HIF1AN: variants seen among roughly 807,000 people sequenced by gnomAD.
The protein encoded by HIF1AN is hypoxia-inducible factor 1-alpha inhibitor.
A neutral mutation model predicts 47.7 loss-of-function variants in HIF1AN; 21 were observed. The ratio of observed to expected loss-of-function variants is 0.44; its 90% CI spans 0.31 to 0.63. The LOEUF (loss-of-function observed/expected upper bound fraction) is 0.63. HIF1AN is among the 30% of genes least tolerant of loss of function. HIF1AN has a pLI of 0.07. For missense variants in HIF1AN, 320 were observed against 432.7 expected, an observed-to-expected ratio of 0.74 and a Z score of 2.31; for synonymous variants, 152 against 155.9, an observed-to-expected ratio of 0.98 and a Z score of 0.18.
Position 100,536,023 on chromosome 10 carries a change from C to T in HIF1AN, c.65C>T (p.Ala22Val), listed in dbSNP as rs750911950. The T allele has an allele frequency of 3.0e-5, 48 of 1,591,688 alleles. No individual in the cohort carries two copies. Among genetic ancestry groups the T allele is most frequent in the Non-Finnish European group, 4.1e-5 (48 of 1,170,224 alleles). Reference protein sequence around the residue: ...GSGEPREEAGALGPAWDESQL... With the variant: ...GSGEPREEAGVLGPAWDESQL... ...GGAGAGCCCCGGGAGGAGGCTGGAG[C>T]CCTCGGCCCCGCCTGGGATGAATCC... The change falls in exon 1 of 8, where the codon GCC becomes GTC. Residue 22 changes from alanine to valine, a missense_variant. Physicochemically the swap from Ala to Val is moderately conservative, Grantham distance 64. This residue lies in a region of HIF1AN where 159 missense variants were observed against 159.9 expected (regional missense o/e 0.99). Transcript: ENST00000299163.
chr10:100,535,980 G>T lies in HIF1AN; in HGVS notation c.22G>T (p.Ala8Ser), dbSNP rs745770096. ...GGAGATGGCGGCGACAGCGGCGGAG[G>T]CTGTGGCCTCTGGCTCTGGAGAGCC... MAATAAE[A>S]VASGSGEPRE... is the part of the protein sequence containing the mutation. The change falls in exon 1 of 8, where the codon GCT becomes TCT. Residue 8 changes from alanine (A) to serine (S), a missense_variant. This residue lies in a region of HIF1AN where 159 missense variants were observed against 159.9 expected (regional missense o/e 0.99). Coordinates refer to ENST00000299163, the MANE Select transcript of HIF1AN (RefSeq NM_017902.3). 1.9e-6 allele frequency: 3 copies of T among 1,554,928 alleles called. No homozygotes were observed. Among genetic ancestry groups the T allele is most frequent in the Non-Finnish European group, 2.6e-6 (3 of 1,150,724 alleles).
chr10:100,543,414 C>T (rs986866745), intron 3 of HIF1AN, among the ~76,000 whole-genome samples: 1 of 152,066 alleles, frequency 6.6e-6, no homozygotes, highest in African/African-American at 2.4e-5. Flanking sequence ...GGACTGGTCT[C>T]GAACTCCTGG....
rs1843182120 is a variant in HIF1AN at position 100,553,208 on chromosome 10, G to T, written c.*5071G>T. ...GGAGATACCAATATCCCCTTTGCAGGGTGGTGATGGGCATCAAACATGACG... is the reference window on the plus strand; with the variant it reads ...GGAGATACCAATATCCCCTTTGCAGTGTGGTGATGGGCATCAAACATGACG... On this transcript the variant is annotated 3_prime_UTR_variant, in exon 8 of 8. Transcript: ENST00000299163. 1 of 152,202 alleles carries T rather than the reference G, an allele frequency of 6.6e-6. No individual in the cohort carries two copies. Among genetic ancestry groups the T allele is most frequent in the Non-Finnish European group, 1.5e-5 (1 of 68,066 alleles). The allele number at this position is 152,202 out of a possible 1,614,324, so 9.4% of individuals were successfully genotyped here.
chr10:100,547,030 G>A (rs929568285), intron 6 of HIF1AN, 110 bp from the exon 7 acceptor site: 9 of 783,402 alleles, frequency 1.1e-5, no homozygotes, highest in South Asian at 1.7e-5. Context: ...CTGAGTCACC[G>A]TGCCCGGCAA....
chr10:100,556,015 G>C lies in HIF1AN; in HGVS notation c.*7878G>C, dbSNP rs1468843448. On this transcript the variant is annotated 3_prime_UTR_variant, in exon 8 of 8. Coordinates refer to ENST00000299163, the MANE Select transcript of HIF1AN (RefSeq NM_017902.3). ...GGGGAAGACATCATTTACATTGTCA[G>C]GGTAAGGCTTAGCAGAATGACCGGT... is the stretch of plus-strand genomic sequence containing the variant. 6.6e-6 allele frequency: 1 copy of C among 152,210 alleles called. No homozygotes were observed. Among genetic ancestry groups the C allele is most frequent in the Non-Finnish European group, 1.5e-5 (1 of 68,046 alleles). 9.4% of individuals were successfully genotyped at this position (152,210 alleles called of 1,614,324 possible).
At chr10:100,545,441 G>C in intron 4 of HIF1AN, 1 of 252,030 alleles carries the variant, frequency 4.0e-6, no homozygotes. Flanking sequence ...TTTTGTCATG[G>C]ATGCTATTTC....
At chr10:100,545,902 T>G in intron 4 of HIF1AN, 41 bp from the exon 5 acceptor site, 1 of 1,347,142 alleles carries the variant, frequency 7.4e-7, no homozygotes. Flanking sequence ...TGGTGAAGAT[T>G]TGGTGATTGA....
At position 100,551,258 on chromosome 10, in the gene HIF1AN, G is replaced by T. The variant is rs1843155839; in HGVS notation, c.*3121G>T. ...TTACCAACGTGAACAGTTGGGGGAA[G>T]TCGTCTGCTCTCATTTGCGTAATGG... is the stretch of plus-strand genomic sequence containing the variant. On this transcript the variant is annotated 3_prime_UTR_variant, in exon 8 of 8. Coordinates refer to ENST00000299163, the MANE Select transcript of HIF1AN (RefSeq NM_017902.3). 6.6e-6 allele frequency: 1 copy of T among 152,208 alleles called. No homozygotes were observed. Among genetic ancestry groups the T allele is most frequent in the African/African-American group, 2.4e-5 (1 of 41,456 alleles). The allele number at this position is 152,208 out of a possible 1,614,324, so 9.4% of individuals were successfully genotyped here. A position where few individuals can be genotyped will look rare whatever the true frequency, so the allele number is the denominator to read the frequency against.
At chr10:100,541,459 A>G (rs1248104674) in intron 3 of HIF1AN, among the ~76,000 whole-genome samples, 2 of 152,192 alleles carry the variant, frequency 1.3e-5, no homozygotes, top group South Asian at 2.1e-4. Flanking sequence ...AGTTGTGAAG[A>G]TTAAATGAAA....
chr10:100,540,815 A>G (rs764089918), intron 3 of HIF1AN, 33 bp downstream of exon 3: 4 of 1,575,958 alleles, frequency 2.5e-6, no homozygotes, highest in African/African-American at 1.4e-5. Context: ...CATGGCTTGG[A>G]GTCATATGAA....
intron 3 of HIF1AN, 71 bp from the exon 4 acceptor site, chr10:100,544,880 A>T: frequency 3.4e-6 from 5 of 1,472,680 alleles, no homozygotes; most frequent in Non-Finnish European, 3.8e-6. Context: ...TCTCTTTAGC[A>T]CTGGGTCCTG....
rs573452682 is a variant in HIF1AN at position 100,536,524 on chromosome 10, C to T, written c.291C>T (p.Thr97=). ...ACTTCTCTGTGTACAGTGCCAGCAC[C>T]CACAAGTTCTTGTACTATGATGAGA... ...NGDFSVYSAS[T]HKFLYYDEKK... The change falls in exon 2 of 8, where the codon ACC becomes ACT. Residue 97 remains threonine, a synonymous_variant. Coordinates refer to ENST00000299163, the MANE Select transcript of HIF1AN (RefSeq NM_017902.3). 6.2e-7 allele frequency: 1 copy of T among 1,614,120 alleles called. No homozygotes were observed. The highest frequency in any genetic ancestry group is 2.2e-5 in the East Asian group (1 of 44,880).
chr10:100,554,365 G>A lies in HIF1AN; in HGVS notation c.*6228G>A, dbSNP rs1175652775. The A allele has an allele frequency of 1.3e-5, 2 of 152,218 alleles. No homozygotes were observed. Among genetic ancestry groups the A allele is most frequent in the Non-Finnish European group, 2.9e-5 (2 of 68,080 alleles). The allele number at this position is 152,218 out of a possible 1,614,324, so 9.4% of individuals were successfully genotyped here. ...AATTATATAAGTGTTGGCCAGGTGT[G>A]GTGGCTCACACCTGTAATCCCAGCA... On this transcript the variant is annotated 3_prime_UTR_variant, in exon 8 of 8. Coordinates refer to ENST00000299163, the MANE Select transcript of HIF1AN (RefSeq NM_017902.3).
At chr10:100,536,165 A>T in intron 1 of HIF1AN, 30 bp downstream of exon 1, 2 of 1,563,682 alleles carry the variant, frequency 1.3e-6, no homozygotes, top group East Asian at 4.5e-5. Flanking sequence ...CTAAAGGGAG[A>T]GGAGGAAGGT....
intron 2 of HIF1AN, among the ~76,000 whole-genome samples, chr10:100,538,993 C>T (rs1367416478): frequency 3.3e-5 from 5 of 150,958 alleles, no homozygotes; most frequent in South Asian, 2.1e-4. Context: ...GCAACCTTCA[C>T]CTCCCAGGCT....
At chr10:100,544,632 G>A (rs773209773) in intron 3 of HIF1AN, among the ~76,000 whole-genome samples, 1 of 152,216 alleles carries the variant, frequency 6.6e-6, no homozygotes, top group Non-Finnish European at 1.5e-5. Context: ...GGTGTACACA[G>A]TTGATTACCC....
Position 100,547,260 on chromosome 10 carries a change from T to C in HIF1AN, c.1005+10T>C, listed in dbSNP as rs567315033. The C allele has an allele frequency of 2.3e-5, 36 of 1,581,144 alleles. No homozygotes were observed. The African/African-American group carries it at 4.7e-4, about 21-fold the overall frequency. ...GGGGAACCCACAAGAGGTAGGTGAC[T>C]GCCCCAAGGTGGCTCAGTGGGTGGG... is the stretch of plus-strand genomic sequence containing the variant. On this transcript the variant is annotated intron_variant, in intron 7 of 7. Coordinates refer to ENST00000299163, the MANE Select transcript of HIF1AN (RefSeq NM_017902.3).
At position 100,553,920 on chromosome 10, in the gene HIF1AN, A is replaced by C. The variant is rs1843190823; in HGVS notation, c.*5783A>C. The C allele has an allele frequency of 6.6e-6, 1 of 152,118 alleles. No individual in the cohort carries two copies. The highest frequency in any genetic ancestry group is 2.1e-4 in the South Asian group (1 of 4,832). 9.4% of individuals were successfully genotyped at this position (152,118 alleles called of 1,614,324 possible). ...AAATGGCTGTGGTGGTGGTGGTTAT[A>C]TTTATTATGTGATTTATTCAGAAAC... On this transcript the variant is annotated 3_prime_UTR_variant, in exon 8 of 8. Transcript: ENST00000299163.
rs1248447054 is a variant in HIF1AN at position 100,558,534 on chromosome 10, A to G, written c.*10397A>G. 1 of 152,184 alleles carries G rather than the reference A, an allele frequency of 6.6e-6. No homozygotes were observed. The highest frequency in any genetic ancestry group is 1.5e-5 in the Non-Finnish European group (1 of 68,036). The allele number at this position is 152,184 out of a possible 1,614,324, so 9.4% of individuals were successfully genotyped here. On this transcript the variant is annotated 3_prime_UTR_variant, in exon 8 of 8. Transcript: ENST00000299163. Reference sequence around the variant, plus strand: ...ATTTTGTGTTTTGACAGCCAAGGAAATTTGCCACTGAGACAAGGTATCTGA... The same window carrying G: ...ATTTTGTGTTTTGACAGCCAAGGAAGTTTGCCACTGAGACAAGGTATCTGA...
Sources: gnomAD v4.1 joint callset for allele counts (sites outside exome capture counted in the v4.1 genomes callset) on GRCh38, gnomAD v4.1.1 for gene constraint, gnomAD v4.1.1 regional missense constraint, MANE v1.5 for transcripts, NCBI Gene and HGNC (gene_info 2026-07-23, HGNC 2026-07-21) for gene names.